The following ATP1B1 variants were observed in gnomAD, a reference collection of about 807,000 sequenced individuals.
ATP1B1 encodes the protein sodium/potassium-transporting ATPase subunit beta-1.
ATP1B1 carries 3 observed loss-of-function variants against 39.6 expected under a neutral mutation model. The ratio of observed to expected loss-of-function variants is 0.08; its 90% CI spans 0.03 to 0.20. The LOEUF is 0.20. Ranked by LOEUF, ATP1B1 falls within the 10% of genes least tolerant of loss-of-function variation. The pLI, the probability that ATP1B1 is intolerant of heterozygous loss-of-function variation, is 1.00. For synonymous variants in ATP1B1, 139 were observed against 135.0 expected (o/e 1.03, Z -0.20); for missense variants, 216 against 371.1 (o/e 0.58, Z 3.43).
rs376777964 is a variant in ATP1B1, at chr1:169,125,071, A to T, written c.382+32A>T. The T allele has an allele frequency of 1.5e-5, 23 of 1,562,036 alleles. No individual in the cohort carries two copies. The African/African-American group carries it at 2.8e-4, about 19-fold the overall frequency. On this transcript the variant is annotated intron_variant, in intron 3 of 5. Coordinates refer to ENST00000367815, the MANE Select transcript of ATP1B1 (RefSeq NM_001677.4). ...AGACTCATTGTAGATGTCTGTGGCTAGTTTTCTTTCTCTTTAACTCTTATT... is the reference window on the plus strand; with the variant it reads ...AGACTCATTGTAGATGTCTGTGGCTTGTTTTCTTTCTCTTTAACTCTTATT...
rs187271897 is a variant in ATP1B1 at position 169,128,272 on chromosome 1, G to C, written c.567+864G>C. ...CTAATTTTGATAGAAATTGACTGCAGTATATTGAGTTATGTGAACAAACTC... is the reference window on the plus strand; with the variant it reads ...CTAATTTTGATAGAAATTGACTGCACTATATTGAGTTATGTGAACAAACTC... On this transcript the variant is annotated intron_variant, in intron 4 of 5. Coordinates refer to ENST00000367815, the MANE Select transcript of ATP1B1 (RefSeq NM_001677.4). 3.9e-5 allele frequency among the ~76,000 whole-genome samples: 6 copies of C among 152,278 alleles called. No homozygotes were observed. The East Asian group carries it at 1.2e-3, about 29-fold the overall frequency.
chr1:169,124,109 G>C (rs1658040391), intron 2 of ATP1B1, among the ~76,000 whole-genome samples: 1 of 152,178 alleles, frequency 6.6e-6, no homozygotes, highest in Non-Finnish European at 1.5e-5. Context: ...CTCCTGAGTA[G>C]TGCTGTGTAG....
intron 3 of ATP1B1, among the ~76,000 whole-genome samples, chr1:169,126,076 C>CTT (rs35512991): frequency 1.3e-5 from 1 of 76,946 alleles, no homozygotes; most frequent in Non-Finnish European, 4.1e-5. Context: ...AACTCCAGTT[C>CTT]TTTATAAGGC....
At chr1:169,117,650 T>C (rs1657880439) in intron 2 of ATP1B1, among the ~76,000 whole-genome samples, 1 of 151,878 alleles carries the variant, frequency 6.6e-6, no homozygotes, top group Non-Finnish European at 1.5e-5. Flanking sequence ...TCATAGAAAG[T>C]GGGGTGGAAA....
chr1:169,115,612 G>A (rs937948144), intron 2 of ATP1B1, among the ~76,000 whole-genome samples: 2 of 152,126 alleles, frequency 1.3e-5, no homozygotes, highest in Non-Finnish European at 2.9e-5. Flanking sequence ...GCCTCCCAAA[G>A]TGCTGGGATT....
intron 4 of ATP1B1, among the ~76,000 whole-genome samples, chr1:169,127,870 G>A (rs12128513): frequency 0.41 from 62,099 of 151,878 alleles, 14,548 homozygotes; most frequent in Non-Finnish European, 0.53. Context: ...GGAAGCCACA[G>A]GAACATTTCA....
chr1:169,122,525 T>C (rs1234505523), intron 2 of ATP1B1, among the ~76,000 whole-genome samples: 1 of 152,214 alleles, frequency 6.6e-6, no homozygotes, highest in Non-Finnish European at 1.5e-5. Flanking sequence ...AATTTTAACA[T>C]AGAAAAAGAT....
At chr1:169,121,685 A>G (rs1367969221) in intron 2 of ATP1B1, among the ~76,000 whole-genome samples, 1 of 152,206 alleles carries the variant, frequency 6.6e-6, no homozygotes, top group Non-Finnish European at 1.5e-5. Context: ...GCCAGGGAGA[A>G]CAAGGATGTT....
At position 169,131,591 on chromosome 1, in the gene ATP1B1, A is replaced by G; in HGVS notation, c.*36A>G. ...AAATCTTTCCCACTAGCCATTTAAT[A>G]AGTTAAAAAAAGATACAAAAACAAA... On this transcript the variant is annotated 3_prime_UTR_variant, in exon 6 of 6. Transcript: ENST00000367815. This position sits in a 1 kb window ranked among gnomAD's most constrained non-coding sequence, Gnocchi z 4.4. The G allele has an allele frequency of 6.4e-7, 1 of 1,571,298 alleles. No homozygotes were observed. The highest frequency in any genetic ancestry group is 8.6e-7 in the Non-Finnish European group (1 of 1,163,258).
At chr1:169,118,549 T>C (rs754551) in intron 2 of ATP1B1, among the ~76,000 whole-genome samples, 70,305 of 152,038 alleles carry the variant, frequency 0.46, 19,024 homozygotes, top group East Asian at 0.91. Context: ...TGATACCAAC[T>C]CACAGATGTA....
At chr1:169,107,020 C>T (rs1306476692) in intron 1 of ATP1B1, 94 bp downstream of exon 1, 1 of 1,238,784 alleles carries the variant, frequency 8.1e-7, no homozygotes, top group Non-Finnish European at 1.1e-6. Context: ...TCCGCACCCA[C>T]CGCGCTGGCC....
Position 169,116,889 on chromosome 1 carries a change from C to T in ATP1B1, c.226+5391C>T, listed in dbSNP as rs570701937. Reference sequence around the variant, plus strand: ...CCAAAAACAAAACAAACAAAAAACCCATTAGGGTTCGAGTCATTATCATTC... The same window carrying T: ...CCAAAAACAAAACAAACAAAAAACCTATTAGGGTTCGAGTCATTATCATTC... On this transcript the variant is annotated intron_variant, in intron 2 of 5. Transcript: ENST00000367815. 3.3e-5 allele frequency among the ~76,000 whole-genome samples: 5 copies of T among 152,008 alleles called. No individual in the cohort carries two copies. In the East Asian group the frequency reaches 7.7e-4, roughly 24 times the overall value.
intron 3 of ATP1B1, among the ~76,000 whole-genome samples, chr1:169,125,433 GTGTGAT>G (rs750071097): frequency 2.0e-5 from 3 of 152,282 alleles, no homozygotes; most frequent in Admixed American, 6.5e-5. Flanking sequence ...AGACCTTTTG[GTGTGAT>G]TAGCTATCAC....
intron 2 of ATP1B1, among the ~76,000 whole-genome samples, chr1:169,122,841 T>C (rs563916780): frequency 3.3e-5 from 5 of 151,586 alleles, no homozygotes; most frequent in South Asian, 2.1e-4. Flanking sequence ...TCCTTCCATC[T>C]TGGCCTCCCA....
At chr1:169,127,113 A>C in intron 3 of ATP1B1, 111 bp from the exon 4 acceptor site, 1 of 1,150,674 alleles carries the variant, frequency 8.7e-7, no homozygotes, top group Non-Finnish European at 1.2e-6. Flanking sequence ...CATTAAATGC[A>C]GAATAGCGTA....
chr1:169,108,585 T>C (rs757633889), intron 1 of ATP1B1, among the ~76,000 whole-genome samples: 9 of 152,206 alleles, frequency 5.9e-5, no homozygotes, highest in African/African-American at 9.7e-5. Context: ...TAGTATAATA[T>C]GCATCTTTGC....
chr1:169,111,619 G>C, intron 2 of ATP1B1, 121 bp downstream of exon 2: 1 of 1,379,170 alleles, frequency 7.3e-7, no homozygotes, highest in South Asian at 1.5e-5. Flanking sequence ...CCATGAAAAG[G>C]GAAAAGAGAA....
chr1:169,117,565 G>C (rs1657878676), intron 2 of ATP1B1, among the ~76,000 whole-genome samples: 1 of 151,556 alleles, frequency 6.6e-6, no homozygotes, highest in Non-Finnish European at 1.5e-5. Flanking sequence ...ATCTGTGGGA[G>C]TGATGGTGGG....
At chr1:169,117,362 A>G (rs770013844) in intron 2 of ATP1B1, among the ~76,000 whole-genome samples, 3 of 152,250 alleles carry the variant, frequency 2.0e-5, no homozygotes, top group Non-Finnish European at 2.9e-5. Flanking sequence ...CAACTCAACT[A>G]CCCAGGTGGT....
Sources: allele counts gnomAD v4.1 joint callset (sites outside exome capture counted in the v4.1 genomes callset), GRCh38; gene constraint gnomAD v4.1.1; non-coding constraint Gnocchi (gnomAD v3.1); transcripts MANE v1.5; gene names NCBI Gene and HGNC (gene_info 2026-07-23, HGNC 2026-07-21).